THSD7B: variants seen among roughly 807,000 people sequenced by gnomAD.
THSD7B encodes thrombospondin type-1 domain-containing protein 7B.
THSD7B carries 138 observed loss-of-function variants against 213.6 expected under a neutral mutation model. The ratio of observed to expected loss-of-function variants is 0.65; its 90% confidence interval spans 0.56 to 0.74. The LOEUF is 0.74. Among genes scored for constraint, THSD7B ranks in the 30% least tolerant of loss-of-function variants. The probability of loss-of-function intolerance (pLI) is 0.00; values close to 1 mark genes in which losing one functional copy is unlikely to be tolerated. For missense variants in THSD7B, 1,931 were observed against 1,991.5 expected (o/e 0.97, Z 0.58); for synonymous variants, 742 against 687.0 (o/e 1.08, Z -1.25).
chr2:137,168,831 C>T (rs1320787349), intron 6 of THSD7B, among the ~76,000 whole-genome samples: 3 of 152,122 alleles, frequency 2.0e-5, no homozygotes, highest in East Asian at 3.9e-4. Context: ...AGAGGTCATT[C>T]GAGTTTTGTG....
intron 1 of THSD7B, among the ~76,000 whole-genome samples, chr2:136,834,691 A>G (rs1021157286): frequency 6.6e-6 from 1 of 152,132 alleles, no homozygotes; most frequent in South Asian, 2.1e-4. Flanking sequence ...TTTTAAAAGA[A>G]GATGATTTTA....
At chr2:137,674,660 A>T (rs1683655225) in intron 27 of THSD7B, among the ~76,000 whole-genome samples, 1 of 152,164 alleles carries the variant, frequency 6.6e-6, no homozygotes, top group Non-Finnish European at 1.5e-5. Context: ...ATTGGAGAGG[A>T]CCTGGAAAGC....
chr2:137,429,127 T>G (rs1460380191), intron 14 of THSD7B, among the ~76,000 whole-genome samples: 1 of 152,218 alleles, frequency 6.6e-6, no homozygotes, highest in East Asian at 1.9e-4. Context: ...AAGACATTTA[T>G]GGAGACAGAA....
chr2:137,599,307 A>C (rs1321483032), intron 17 of THSD7B, among the ~76,000 whole-genome samples: 1 of 152,028 alleles, frequency 6.6e-6, no homozygotes, highest in Non-Finnish European at 1.5e-5. Flanking sequence ...GGTTGGTTCC[A>C]AGTCTTTGCT....
At chr2:137,583,647 G>T (rs77323695) in intron 17 of THSD7B, among the ~76,000 whole-genome samples, 3,885 of 152,222 alleles carry the variant, frequency 0.026, 122 homozygotes, top group African/African-American at 0.076. Context: ...TCAGATAGTT[G>T]TAGATGTGTG....
At chr2:137,587,117 G>A (rs1681750042) in intron 17 of THSD7B, among the ~76,000 whole-genome samples, 2 of 152,054 alleles carry the variant, frequency 1.3e-5, no homozygotes, top group Non-Finnish European at 2.9e-5. Context: ...CTTTCTTCCA[G>A]TTGATCGAAT....
intron 14 of THSD7B, among the ~76,000 whole-genome samples, chr2:137,427,681 T>C (rs1227948261): frequency 2.0e-5 from 3 of 151,866 alleles, no homozygotes; most frequent in Non-Finnish European, 4.4e-5. Flanking sequence ...TTACCAAGGG[T>C]TGGGTATTAG....
intron 1 of THSD7B, among the ~76,000 whole-genome samples, chr2:136,802,126 C>A (rs1438779734): frequency 6.6e-6 from 1 of 151,664 alleles, no homozygotes; most frequent in African/African-American, 2.4e-5. Flanking sequence ...TTATTAGGGA[C>A]AGAATAAGAA....
intron 17 of THSD7B, among the ~76,000 whole-genome samples, chr2:137,588,659 T>C (rs762000888): frequency 6.6e-6 from 1 of 152,096 alleles, no homozygotes; most frequent in Non-Finnish European, 1.5e-5. Flanking sequence ...CATGTATCTG[T>C]GATTACCATC....
At chr2:136,770,080 A>G (rs1051962153) in intron 1 of THSD7B, among the ~76,000 whole-genome samples, 2 of 152,200 alleles carry the variant, frequency 1.3e-5, no homozygotes, top group African/African-American at 2.4e-5. Context: ...TTTGTGTCCT[A>G]GTGTTATGTT....
chr2:137,098,526 G>T (rs548663191), intron 4 of THSD7B, among the ~76,000 whole-genome samples: 1 of 152,170 alleles, frequency 6.6e-6, no homozygotes, highest in South Asian at 2.1e-4. Context: ...TGTGATGAGG[G>T]GTCAGCACAG....
chr2:137,025,881 A>G (rs1478682465), intron 2 of THSD7B, among the ~76,000 whole-genome samples: 6 of 152,084 alleles, frequency 3.9e-5, no homozygotes, highest in Non-Finnish European at 8.8e-5. Flanking sequence ...ATTTAGTTAG[A>G]TATCAGCCAT....
At chr2:137,590,206 T>C (rs1681833515) in intron 17 of THSD7B, among the ~76,000 whole-genome samples, 1 of 152,184 alleles carries the variant, frequency 6.6e-6, no homozygotes, top group South Asian at 2.1e-4. Flanking sequence ...CCATGGCTAA[T>C]ACTTGTCCAA....
chr2:137,109,831 G>A (rs563132544), intron 4 of THSD7B, among the ~76,000 whole-genome samples: 1 of 152,232 alleles, frequency 6.6e-6, no homozygotes. Flanking sequence ...TCTGTGGCTC[G>A]GGTGTTAGGG....
intron 17 of THSD7B, among the ~76,000 whole-genome samples, chr2:137,574,566 C>G (rs1406256563): frequency 6.6e-6 from 1 of 152,094 alleles, no homozygotes; most frequent in African/African-American, 2.4e-5. Context: ...CAACATTGCA[C>G]TATGATGATG....
intron 12 of THSD7B, among the ~76,000 whole-genome samples, chr2:137,300,240 A>T: frequency 6.6e-6 from 1 of 152,158 alleles, no homozygotes; most frequent in East Asian, 1.9e-4. Flanking sequence ...ACCAAAGAAA[A>T]GTTAATTTAT....
intron 14 of THSD7B, among the ~76,000 whole-genome samples, chr2:137,429,525 A>T (rs1281387883): frequency 6.6e-6 from 1 of 152,206 alleles, no homozygotes; most frequent in Non-Finnish European, 1.5e-5. Flanking sequence ...CATTTGAAGG[A>T]TTTTCTGGAG....
intron 2 of THSD7B, among the ~76,000 whole-genome samples, chr2:137,003,602 T>C (rs1686043572): frequency 6.6e-6 from 1 of 152,164 alleles, no homozygotes; most frequent in Non-Finnish European, 1.5e-5. Context: ...TTCCTTCTCT[T>C]GTAGCACTGG....
intron 20 of THSD7B, among the ~76,000 whole-genome samples, chr2:137,627,468 A>T (rs367701304): frequency 2.4e-4 from 36 of 152,302 alleles, no homozygotes; most frequent in African/African-American, 8.4e-4. Flanking sequence ...TCAACCAAAG[A>T]GATTTGAAAG....
Sources: allele counts gnomAD v4.1 joint callset (sites outside exome capture counted in the v4.1 genomes callset), GRCh38; gene constraint gnomAD v4.1.1; transcripts MANE v1.5; gene names NCBI Gene and HGNC (gene_info 2026-07-23, HGNC 2026-07-21).